The following FOXC2 variants were observed in gnomAD, a reference collection of about 807,000 sequenced individuals.
FOXC2 encodes forkhead box protein C2.
In FOXC2, 7 loss-of-function variants were observed where a neutral mutation model predicts 7.2. The observed-to-expected ratio is 0.97, with a 90% CI of 0.55 to 1.81. FOXC2 has a LOEUF of 1.81. Among genes scored for constraint, FOXC2 ranks in the 40% most tolerant of loss-of-function variants. The probability of loss-of-function intolerance (pLI) is 0.00; values close to 1 mark genes in which losing one functional copy is unlikely to be tolerated. For synonymous variants in FOXC2, 436 were observed against 350.4 expected, an observed-to-expected ratio of 1.24 and a Z score of -2.73; for missense variants, 846 against 741.2, an observed-to-expected ratio of 1.14 and a Z score of -1.64.
chr16:86,568,395 C>A lies in FOXC2; in HGVS notation c.1060C>A (p.Leu354Met). 7.2e-7 allele frequency: 1 copy of A among 1,391,310 alleles called. No homozygotes were observed. Among genetic ancestry groups the A allele is most frequent in the Non-Finnish European group, 9.4e-7 (1 of 1,066,126 alleles). 86.2% of individuals were successfully genotyped at this position (1,391,310 alleles called of 1,614,324 possible). The change falls in exon 1 of 1, where the codon CTG (leucine) becomes ATG (methionine). Residue 354 changes from leucine to methionine, a missense_variant. Coordinates refer to ENST00000649859, the MANE Select transcript of FOXC2 (RefSeq NM_005251.3). The surrounding 1 kb of genome is among the most constrained non-coding windows in gnomAD (Gnocchi z 5.2). ...RPAHMCVPPA[L>M]DEALSDHPSG... Reference sequence around the variant, plus strand: ...GGCGCACATGTGCGTCCCGCCCGCCCTGGACGAGGCCCTCTCGGACCACCC... The same window carrying A: ...GGCGCACATGTGCGTCCCGCCCGCCATGGACGAGGCCCTCTCGGACCACCC...
Position 86,568,198 on chromosome 16 carries a change from G to A in FOXC2, c.863G>A (p.Ser288Asn). The A allele has an allele frequency of 7.8e-7, 1 of 1,280,794 alleles. No homozygotes were observed. The highest frequency in any genetic ancestry group is 9.8e-7 in the Non-Finnish European group (1 of 1,021,210). 79.3% of individuals were successfully genotyped at this position (1,280,794 alleles called of 1,614,324 possible). A position where few individuals can be genotyped will look rare whatever the true frequency, so the allele number is the denominator to read the frequency against. The part of the protein sequence containing the change: ...LRTSPPGGEL[S>N]PGAGRAGLVV... Reference sequence around the variant, plus strand: ...ACGTCGCCGCCGGGCGGAGAGCTGAGCCCGGGGGCCGGACGCGCGGGCCTG... The same window carrying A: ...ACGTCGCCGCCGGGCGGAGAGCTGAACCCGGGGGCCGGACGCGCGGGCCTG... The change falls in exon 1 of 1, where the codon AGC (serine) becomes AAC (asparagine). Residue 288 changes from serine (S) to asparagine (N), a missense_variant. Transcript: ENST00000649859. This position sits in a 1 kb window ranked among gnomAD's most constrained non-coding sequence, Gnocchi z 5.2.
rs778788148 is a variant in FOXC2, at chr16:86,568,804, A to G, written c.1469A>G (p.His490Arg). 6.2e-7 allele frequency: 1 copy of G among 1,612,808 alleles called. No individual in the cohort carries two copies. The highest frequency in any genetic ancestry group is 8.5e-7 in the Non-Finnish European group (1 of 1,179,954). The change falls in exon 1 of 1, where the codon CAC becomes CGC. Residue 490 changes from histidine (H) to arginine (R), a missense_variant. Around this residue, in one of 3 missense-constraint regions of FOXC2, gnomAD observed 640 missense variants for 503.2 expected, o/e 1.27. Coordinates refer to ENST00000649859, the MANE Select transcript of FOXC2 (RefSeq NM_005251.3). This position sits in a 1 kb window ranked among gnomAD's most constrained non-coding sequence, Gnocchi z 5.2. ...PYRSTPPLYR[H>R]AAPYSYDCTK... Reference sequence around the variant, plus strand: ...AGATCCACGCCGCCTCTCTATCGCCACGCAGCCCCCTACTCCTACGACTGC... The same window carrying G: ...AGATCCACGCCGCCTCTCTATCGCCGCGCAGCCCCCTACTCCTACGACTGC...
chr16:86,566,881 G>T lies in FOXC2; in HGVS notation c.-455G>T, dbSNP rs1488466175. Among the ~76,000 whole-genome samples, 1 of 152,092 alleles carries T rather than the reference G, an allele frequency of 6.6e-6. No homozygotes were observed. The highest frequency in any genetic ancestry group is 1.5e-5 in the Non-Finnish European group (1 of 67,976). On this transcript the variant is annotated 5_prime_UTR_variant, in exon 1 of 1. Coordinates refer to ENST00000649859, the MANE Select transcript of FOXC2 (RefSeq NM_005251.3). The surrounding 1 kb of genome is among the most constrained non-coding windows in gnomAD (Gnocchi z 4.3). ...CTTGGCCTCTTTTTCTGGGCTCAGC[G>T]GGGCAGCCGCTCGGACCCCGGCGCG... is the stretch of plus-strand genomic sequence containing the variant.
Position 86,568,125 on chromosome 16 carries a change from C to CAGGCGGCCTCCTGGTATCTCAA in FOXC2, c.790_791insAGGCGGCCTCCTGGTATCTCAA (p.Pro264GlnfsTer206). 7.4e-7 allele frequency: 1 copy of CAGGCGGCCTCCTGGTATCTCAA among 1,357,616 alleles called. No individual in the cohort carries two copies. Among genetic ancestry groups the CAGGCGGCCTCCTGGTATCTCAA allele is most frequent in the Non-Finnish European group, 9.4e-7 (1 of 1,063,102 alleles). The allele number at this position is 1,357,616 out of a possible 1,614,324, so 84.1% of individuals were successfully genotyped here. A position where few individuals can be genotyped will look rare whatever the true frequency, so the allele number is the denominator to read the frequency against. ...GCTGCCGGAGCACCACGCCGCGGCGCCCAACGGGCTGCCTGGCTTCAGCGT... is the reference window on the plus strand; with the variant it reads ...GCTGCCGGAGCACCACGCCGCGGCGCAGGCGGCCTCCTGGTATCTCAACCAACGGGCTGCCTGGCTTCAGCGT... On this transcript the variant is annotated frameshift_variant, in exon 1 of 1. Transcript: ENST00000649859. LOFTEE classifies it low-confidence loss of function (END_TRUNC). The surrounding 1 kb of genome is among the most constrained non-coding windows in gnomAD (Gnocchi z 5.2).
Position 86,567,572 on chromosome 16 carries a change from G to T in FOXC2, c.237G>T (p.Ala79=), listed in dbSNP as rs1273785219. 1.9e-6 allele frequency: 3 copies of T among 1,614,134 alleles called. No individual in the cohort carries two copies. The highest frequency in any genetic ancestry group is 2.5e-6 in the Non-Finnish European group (3 of 1,180,028). ...DLVKPPYSYI[A]LITMAIQNAP... ...TGAAGCCGCCCTACAGCTACATCGC[G>T]CTCATCACCATGGCCATCCAGAACG... Residue 79 remains alanine, a synonymous_variant, in exon 1 of 1, where the codon GCG becomes GCT. Coordinates refer to ENST00000649859, the MANE Select transcript of FOXC2 (RefSeq NM_005251.3).
Position 86,567,183 on chromosome 16 carries a change from C to T in FOXC2, c.-153C>T, listed in dbSNP as rs902420225. ...CCGAGCGCCGCCGCCCGCGCACCCT[C>T]GCCCCGGAGGCTGCCAGGAGCCCGG... On this transcript the variant is annotated 5_prime_UTR_variant, in exon 1 of 1. Transcript: ENST00000649859. The T allele has an allele frequency of 1.7e-5, 14 of 816,406 alleles. No individual in the cohort carries two copies. Among genetic ancestry groups the T allele is most frequent in the Non-Finnish European group, 2.6e-5 (14 of 544,214 alleles). The allele number at this position is 816,406 out of a possible 1,614,324, so 50.6% of individuals were successfully genotyped here. A position where few individuals can be genotyped will look rare whatever the true frequency, so the allele number is the denominator to read the frequency against.
rs1461111009 is a variant in FOXC2 at position 86,568,464 on chromosome 16, G to A, written c.1129G>A (p.Gly377Ser). 2 of 1,323,896 alleles carry A rather than the reference G, an allele frequency of 1.5e-6. No individual in the cohort carries two copies. The highest frequency in any genetic ancestry group is 1.9e-6 in the Non-Finnish European group (2 of 1,031,092). 82.0% of individuals were successfully genotyped at this position (1,323,896 alleles called of 1,614,324 possible). ...CCTGAGCGCTCTCAACCTCGCCGCC[G>A]GCCAGGAGGGCGCGCTCGCCGCCAC... ...SPLSALNLAA[G>S]QEGALAATGH... The change falls in exon 1 of 1, where the codon GGC (glycine) becomes AGC (serine). Residue 377 changes from glycine to serine, a missense_variant. This residue lies in a region of FOXC2 where 640 missense variants were observed against 503.2 expected (regional missense o/e 1.27). Transcript: ENST00000649859. This position sits in a 1 kb window ranked among gnomAD's most constrained non-coding sequence, Gnocchi z 5.2.
chr16:86,568,297 TG>T lies in FOXC2; in HGVS notation c.964del (p.Glu322ArgfsTer15). On this transcript the variant is annotated frameshift_variant, in exon 1 of 1. Transcript: ENST00000649859. LOFTEE classifies it low-confidence loss of function (END_TRUNC). This position sits in a 1 kb window ranked among gnomAD's most constrained non-coding sequence, Gnocchi z 5.2. ...TACGGCCAGCCGTGCGCTCAGGGCC[TG>T]GAGGCCGGGGCCGCCGGGGGCTACC... ...AAYGQPCAQG[L>X]EAGAAGGYQC... The T allele has an allele frequency of 7.9e-7, 1 of 1,264,630 alleles. No individual in the cohort carries two copies. Among genetic ancestry groups the T allele is most frequent in the Non-Finnish European group, 1.0e-6 (1 of 1,005,018 alleles). The allele number at this position is 1,264,630 out of a possible 1,614,324, so 78.3% of individuals were successfully genotyped here.
Position 86,568,871 on chromosome 16 carries a change from G to A in FOXC2, c.*30G>A, listed in dbSNP as rs770998891. 1 of 1,611,216 alleles carries A rather than the reference G, an allele frequency of 6.2e-7. No individual in the cohort carries two copies. Among genetic ancestry groups the A allele is most frequent in the Non-Finnish European group, 8.5e-7 (1 of 1,179,112 alleles). On this transcript the variant is annotated 3_prime_UTR_variant, in exon 1 of 1. Coordinates refer to ENST00000649859, the MANE Select transcript of FOXC2 (RefSeq NM_005251.3). The surrounding 1 kb of genome is among the most constrained non-coding windows in gnomAD (Gnocchi z 5.2). Reference sequence around the variant, plus strand: ...TCCCGGGACCTCCCCTCCCCGGCCCGCTCCGGCTTCGCTTCCCAGCCCCGA... The same window carrying A: ...TCCCGGGACCTCCCCTCCCCGGCCCACTCCGGCTTCGCTTCCCAGCCCCGA...
rs1272731899 is a variant in FOXC2, at chr16:86,568,149, G to A, written c.814G>A (p.Val272Met). Residue 272 changes from valine to methionine, a missense_variant, in exon 1 of 1, where the codon GTG becomes ATG. Transcript: ENST00000649859. The surrounding 1 kb of genome is among the most constrained non-coding windows in gnomAD (Gnocchi z 5.2). ...GCCCAACGGGCTGCCTGGCTTCAGC[G>A]TGGAGAACATCATGACCCTGCGAAC... ...AAPNGLPGFS[V>M]ENIMTLRTSP... The A allele has an allele frequency of 3.1e-5, 42 of 1,343,400 alleles. No homozygotes were observed. Among genetic ancestry groups the A allele is most frequent in the Non-Finnish European group, 3.8e-5 (40 of 1,056,534 alleles). The allele number at this position is 1,343,400 out of a possible 1,614,324, so 83.2% of individuals were successfully genotyped here.
rs1283944043 is a variant in FOXC2, at chr16:86,568,955, A to G, written c.*114A>G. Reference sequence around the variant, plus strand: ...AAAAAAGAAACAAAACATGTCCACCAACCTTTTCTCAGACCCGGGAGCAGA... The same window carrying G: ...AAAAAAGAAACAAAACATGTCCACCGACCTTTTCTCAGACCCGGGAGCAGA... On this transcript the variant is annotated 3_prime_UTR_variant, in exon 1 of 1. Coordinates refer to ENST00000649859, the MANE Select transcript of FOXC2 (RefSeq NM_005251.3). This position sits in a 1 kb window ranked among gnomAD's most constrained non-coding sequence, Gnocchi z 5.2. 1 of 1,376,582 alleles carries G rather than the reference A, an allele frequency of 7.3e-7. No homozygotes were observed. 85.3% of individuals were successfully genotyped at this position (1,376,582 alleles called of 1,614,324 possible). A position where few individuals can be genotyped will look rare whatever the true frequency, so the allele number is the denominator to read the frequency against.
chr16:86,568,076 GCCCGCCGGCTCC>G lies in FOXC2; in HGVS notation c.746_757del (p.Ala249_Pro252del), dbSNP rs750746606. 7 of 1,425,366 alleles carry G rather than the reference GCCCGCCGGCTCC, an allele frequency of 4.9e-6. No homozygotes were observed. The highest frequency in any genetic ancestry group is 6.1e-5 in the Admixed American group (2 of 32,814). 88.3% of individuals were successfully genotyped at this position (1,425,366 alleles called of 1,614,324 possible). A position where few individuals can be genotyped will look rare whatever the true frequency, so the allele number is the denominator to read the frequency against. ...GCAGCCCGCGCAGCGCGGCCTCCAC[GCCCGCCGGCTCC>G]CCCGACGGCTCGCTGCCGGAGCACC... On this transcript the variant is annotated inframe_deletion, in exon 1 of 1. Transcript: ENST00000649859. This position sits in a 1 kb window ranked among gnomAD's most constrained non-coding sequence, Gnocchi z 5.2.
In FOXC2 at chr16:86,567,302, C is replaced by A. The variant is rs748086156; in HGVS notation, c.-34C>A. ...CTCGCTCCCCCGGCCGCAGTCCGTG[C>A]GCGAGGGCGCCGGCGAGCCGTCTCG... On this transcript the variant is annotated 5_prime_UTR_variant, in exon 1 of 1. Transcript: ENST00000649859. The A allele has an allele frequency of 1.2e-6, 2 of 1,611,574 alleles. No homozygotes were observed. Among genetic ancestry groups the A allele is most frequent in the Non-Finnish European group, 1.7e-6 (2 of 1,179,280 alleles).
Position 86,567,966 on chromosome 16 carries a change from G to T in FOXC2, c.631G>T (p.Val211Leu). Residue 211 changes from valine (V) to leucine (L), a missense_variant, in exon 1 of 1, where the codon GTG becomes TTG. Physicochemically the swap from Val to Leu is conservative, Grantham distance 32. This residue lies in a region of FOXC2 where 640 missense variants were observed against 503.2 expected (regional missense o/e 1.27). Transcript: ENST00000649859. ...CGCCCCCAAGGAGGCCGAGAAGAAG[G>T]TGGTGATCAAGAGCGAGGCGGCGTC... ...ADAPKEAEKK[V>L]VIKSEAASPA... 6.5e-7 allele frequency: 1 copy of T among 1,541,582 alleles called. No homozygotes were observed.
Position 86,568,591 on chromosome 16 carries a change from C to A in FOXC2, c.1256C>A (p.Ala419Glu). 1 of 1,604,432 alleles carries A rather than the reference C, an allele frequency of 6.2e-7. No individual in the cohort carries two copies. Among genetic ancestry groups the A allele is most frequent in the South Asian group, 1.1e-5 (1 of 90,566 alleles). ...QPTPQPGAAA[A>E]QAASWYLNHS... is the part of the protein sequence containing the mutation. ...ACGCCGCAGCCCGGGGCCGCCGCGGCGCAGGCGGCCTCCTGGTATCTCAAC... is the reference window on the plus strand; with the variant it reads ...ACGCCGCAGCCCGGGGCCGCCGCGGAGCAGGCGGCCTCCTGGTATCTCAAC... The change falls in exon 1 of 1, where the codon GCG (alanine) becomes GAG (glutamate). Residue 419 changes from alanine (A) to glutamate (E), a missense_variant. Physicochemically the swap from Ala to Glu is moderately radical, Grantham distance 107. Transcript: ENST00000649859. The surrounding 1 kb of genome is among the most constrained non-coding windows in gnomAD (Gnocchi z 5.2).
chr16:86,568,490 G>A lies in FOXC2; in HGVS notation c.1155G>A (p.Thr385=). Residue 385 remains threonine, a synonymous_variant, in exon 1 of 1, where the codon ACG becomes ACA. Transcript: ENST00000649859. The surrounding 1 kb of genome is among the most constrained non-coding windows in gnomAD (Gnocchi z 5.2). ...AAGQEGALAA[T]GHHHQHHGHH... ...GCCAGGAGGGCGCGCTCGCCGCCAC[G>A]GGCCACCACCACCAGCACCACGGCC... The A allele has an allele frequency of 1.5e-6, 2 of 1,297,324 alleles. No homozygotes were observed. Among genetic ancestry groups the A allele is most frequent in the Non-Finnish European group, 2.0e-6 (2 of 1,019,564 alleles). 80.4% of individuals were successfully genotyped at this position (1,297,324 alleles called of 1,614,324 possible).
In FOXC2 at chr16:86,568,971, C is replaced by T. The variant is rs894969648; in HGVS notation, c.*130C>T. ...ATGTCCACCAACCTTTTCTCAGACC[C>T]GGGAGCAGAGAGCGGGCACGCTAGC... is the stretch of plus-strand genomic sequence containing the variant. On this transcript the variant is annotated 3_prime_UTR_variant, in exon 1 of 1. Transcript: ENST00000649859. This position sits in a 1 kb window ranked among gnomAD's most constrained non-coding sequence, Gnocchi z 5.2. 12 of 1,270,450 alleles carry T rather than the reference C, an allele frequency of 9.4e-6. No homozygotes were observed. The highest frequency in any genetic ancestry group is 1.2e-5 in the Non-Finnish European group (11 of 896,850). The allele number at this position is 1,270,450 out of a possible 1,614,324, so 78.7% of individuals were successfully genotyped here. A position where few individuals can be genotyped will look rare whatever the true frequency, so the allele number is the denominator to read the frequency against.
Position 86,568,577 on chromosome 16 carries a change from C to G in FOXC2, c.1242C>G (p.Pro414=). Reference sequence around the variant, plus strand: ...CCCAGCCCCAGCCGACGCCGCAGCCCGGGGCCGCCGCGGCGCAGGCGGCCT... The same window carrying G: ...CCCAGCCCCAGCCGACGCCGCAGCCGGGGGCCGCCGCGGCGCAGGCGGCCT... ...PAPQPQPTPQ[P]GAAAAQAASW... The change falls in exon 1 of 1, where the codon CCC becomes CCG. Residue 414 remains proline (P), a synonymous_variant. Transcript: ENST00000649859. The surrounding 1 kb of genome is among the most constrained non-coding windows in gnomAD (Gnocchi z 5.2). 1.3e-6 allele frequency: 2 copies of G among 1,589,704 alleles called. No individual in the cohort carries two copies. Among genetic ancestry groups the G allele is most frequent in the East Asian group, 4.6e-5 (2 of 43,468 alleles).
Position 86,568,516 on chromosome 16 carries a change from AC to A in FOXC2, c.1183del (p.His395ThrfsTer38). 1 of 1,280,566 alleles carries A rather than the reference AC, an allele frequency of 7.8e-7. No homozygotes were observed. Among genetic ancestry groups the A allele is most frequent in the Non-Finnish European group, 9.9e-7 (1 of 1,014,726 alleles). 79.3% of individuals were successfully genotyped at this position (1,280,566 alleles called of 1,614,324 possible). ...ATGHHHQHHGHHHPQAPPPPP... is the reference protein window; with the variant it reads ...ATGHHHQHHGXHHPQAPPPPP... The stretch of plus-strand genomic sequence containing the variant: ...GGCCACCACCACCAGCACCACGGCC[AC>A]CACCACCCGCAGGCGCCGCCGCCCC... On this transcript the variant is annotated frameshift_variant, in exon 1 of 1. Transcript: ENST00000649859. LOFTEE classifies it high-confidence loss of function. The surrounding 1 kb of genome is among the most constrained non-coding windows in gnomAD (Gnocchi z 5.2).
Sources: allele counts gnomAD v4.1 joint callset (sites outside exome capture counted in the v4.1 genomes callset), GRCh38; gene constraint gnomAD v4.1.1; regional missense constraint gnomAD v4.1.1; non-coding constraint Gnocchi (gnomAD v3.1); transcripts MANE v1.5; gene names NCBI Gene and HGNC (gene_info 2026-07-23, HGNC 2026-07-21).